Variants in MYH7B observed in about 807,000 individuals in gnomAD.
The protein encoded by MYH7B is myosin-7B.
MYH7B carries 205 observed loss-of-function variants against 234.5 expected under a neutral mutation model. The observed-to-expected ratio is 0.87, with a 90% confidence interval of 0.78 to 0.98. The LOEUF (loss-of-function observed/expected upper bound fraction) is 0.98, where lower values mean the gene tolerates loss of function less well. MYH7B is among the 50% of genes least tolerant of loss of function. The pLI, the probability that MYH7B is intolerant of heterozygous loss-of-function variation, is 0.00. For synonymous variants in MYH7B, 1,193 were observed against 1,105.0 expected (o/e 1.08, Z -1.58); for missense variants, 2,652 against 2,633.4 (o/e 1.01, Z -0.15).
chr20:34,962,022 G>A (rs2081702649), intron 2 of MYH7B, among the ~76,000 whole-genome samples: 1 of 152,078 alleles, frequency 6.6e-6, no homozygotes, highest in South Asian at 2.1e-4. Context: ...CACTTGAGCT[G>A]AGGAATTCAA....
At chr20:34,991,942 A>C (rs762704697) in intron 24 of MYH7B, among the ~76,000 whole-genome samples, 1 of 152,164 alleles carries the variant, frequency 6.6e-6, no homozygotes, top group East Asian at 1.9e-4. Context: ...AACATCTCAC[A>C]GTCTGGTGGA....
chr20:34,998,563 C>T, exon 34 of MYH7B: 1 of 1,613,686 alleles, frequency 6.2e-7, no homozygotes, highest in Non-Finnish European at 8.5e-7. Flanking sequence ...GTCAGCTGAG[C>T]CGTGGAAAGG....
At position 34,981,024 on chromosome 20, in the gene MYH7B, TTCCTC is replaced by T; in HGVS notation, c.500-8_500-4del. 6.2e-7 allele frequency: 1 copy of T among 1,613,958 alleles called. No homozygotes were observed. Among genetic ancestry groups the T allele is most frequent in the Non-Finnish European group, 8.5e-7 (1 of 1,179,926 alleles). ...GGCTGACTTCTCTATCCCCTTCCCT[TTCCTC>T]CAGACCGAGACAACCAGTCCATGCT... is the stretch of plus-strand genomic sequence containing the variant. On this transcript the variant is annotated splice_polypyrimidine_tract_variant and splice_region_variant and intron_variant, in intron 8 of 44. Coordinates refer to ENST00000262873, the Ensembl canonical transcript of MYH7B.
rs756637479 is a variant in MYH7B at position 34,997,642 on chromosome 20, T to C, written c.3747+2T>C. ...GTGGAGACTCTGACCCGCGCCAAGG[T>C]GTCCGTGCCTTCCTCACCCCATACC... On this transcript the variant is annotated splice_donor_variant, in intron 32 of 44. Transcript: ENST00000262873. LOFTEE classifies it high-confidence loss of function. 1.9e-6 allele frequency: 3 copies of C among 1,612,872 alleles called. No individual in the cohort carries two copies. In the East Asian group the frequency reaches 6.7e-5, roughly 36 times the overall value.
chr20:34,968,869 C>T (rs2081767323), intron 2 of MYH7B, among the ~76,000 whole-genome samples: 1 of 152,198 alleles, frequency 6.6e-6, no homozygotes, highest in African/African-American at 2.4e-5. Flanking sequence ...GGCAGGGAGG[C>T]CAGCACACAA....
chr20:34,987,722 C>A, intron 17 of MYH7B, 43 bp from the exon 18 acceptor site: 1 of 1,613,016 alleles, frequency 6.2e-7, no homozygotes, highest in Non-Finnish European at 8.5e-7. Context: ...CGGGCAGGGT[C>A]CCCTCCTTGC....
chr20:35,002,425 T>TTAA (rs1258449201), exon 45 of MYH7B: 3 of 415,282 alleles, frequency 7.2e-6, no homozygotes, highest in Admixed American at 8.3e-5. Context: ...ATAAAGTTAT[T>TTAA]TAATAGTCTC....
In MYH7B at chr20:34,981,044, C is replaced by T. The variant is rs763409138; in HGVS notation, c.511C>T (p.Gln171Ter). The T allele has an allele frequency of 1.3e-5, 21 of 1,613,996 alleles. No homozygotes were observed. The highest frequency in any genetic ancestry group is 1.3e-5 in the African/African-American group (1 of 74,920). The change falls in exon 9 of 45, where the codon CAG becomes TAG. Residue 171 changes from glutamine (Q) to a stop codon, truncating the protein, a stop_gained. Transcript: ENST00000262873. LOFTEE classifies it high-confidence loss of function. The stretch of plus-strand genomic sequence containing the variant: ...TCCCTTTCCTCCAGACCGAGACAAC[C>T]AGTCCATGCTGATCACGTGAGTGTG...
chr20:34,999,928 C>T (rs2082338820), intron 38 of MYH7B, 22 bp downstream of exon 38: 1 of 1,596,066 alleles, frequency 6.3e-7, no homozygotes, highest in African/African-American at 1.3e-5. Context: ...CTTCTCCCGT[C>T]CCCACCTCCC....
chr20:34,987,649 G>A lies in MYH7B; in HGVS notation c.1240G>A (p.Val414Met), dbSNP rs371353626. 30 of 1,613,584 alleles carry A rather than the reference G, an allele frequency of 1.9e-5. No homozygotes were observed. The Admixed American group carries it at 2.7e-4, about 14-fold the overall frequency. ...CCGGGTGCGTGTAGGGAACGAGTAC[G>A]TGACCAAGGGCCAGAGTGTGGAGCA... The change falls in exon 17 of 45, where the codon GTG (valine) becomes ATG (methionine). Residue 414 changes from valine (V) to methionine (M), a missense_variant. By Grantham distance (21) the Val-to-Met change is conservative. Around this residue, in one of 3 missense-constraint regions of MYH7B, gnomAD observed 2,279 missense variants for 2,211.4 expected, o/e 1.03. Transcript: ENST00000262873.
intron 9 of MYH7B, chr20:34,981,854 G>GAAAAAAA (rs55752676): frequency 1.5e-5 from 1 of 65,958 alleles, no homozygotes; most frequent in African/African-American, 6.4e-5. Flanking sequence ...TCCATCTCAC[G>GAAAAAAA]AAAAAAAAAA....
chr20:34,960,161 G>A (rs1177102091), intron 2 of MYH7B, among the ~76,000 whole-genome samples: 3 of 152,176 alleles, frequency 2.0e-5, no homozygotes, highest in Non-Finnish European at 2.9e-5. Flanking sequence ...ACTGTGAATG[G>A]AGGCCAATCC....
intron 5 of MYH7B, 73 bp from the exon 6 acceptor site, chr20:34,979,317 G>C: frequency 8.3e-7 from 1 of 1,211,742 alleles, no homozygotes; most frequent in Non-Finnish European, 1.2e-6. Flanking sequence ...GGATACCATG[G>C]CTTGGGAACT....
chr20:34,967,319 A>G (rs2081751901), intron 2 of MYH7B, among the ~76,000 whole-genome samples: 2 of 152,162 alleles, frequency 1.3e-5, no homozygotes, highest in Admixed American at 1.3e-4. Context: ...TGGAAAAAAA[A>G]TCTGAAGGCT....
At chr20:34,978,265 A>G (rs188720255) in intron 5 of MYH7B, among the ~76,000 whole-genome samples, 169 bp downstream of exon 5, 33 of 152,234 alleles carry the variant, frequency 2.2e-4, no homozygotes, top group Non-Finnish European at 3.1e-4. Context: ...TTAAAACCCC[A>G]GGGACACTGT....
At chr20:34,968,841 C>A (rs1225315935) in intron 2 of MYH7B, among the ~76,000 whole-genome samples, 1 of 151,388 alleles carries the variant, frequency 6.6e-6, no homozygotes, top group Non-Finnish European at 1.5e-5. Flanking sequence ...CCGCAGGACA[C>A]CCTTAATGCC....
exon 32 of MYH7B, chr20:34,997,447 TGGA>T: frequency 6.8e-7 from 1 of 1,480,666 alleles, no homozygotes; most frequent in East Asian, 2.7e-5. Flanking sequence ...CGGCGGGAGC[TGGA>T]GGAGGCGGCG....
rs368088742 is a variant in MYH7B at position 34,963,013 on chromosome 20, G to A, written c.-222+4801G>A. ...TTCAGGGAGGCTGAGGCAGAGAATC[G>A]CTTGAACCCCAGAGGCAGAGGTTAC... On this transcript the variant is annotated intron_variant, in intron 2 of 44. Coordinates refer to ENST00000262873, the Ensembl canonical transcript of MYH7B. Among the ~76,000 whole-genome samples the A allele has an allele frequency of 2.2e-3, 338 of 152,330 alleles. 4 individuals are homozygous for A. Among genetic ancestry groups the A allele is most frequent in the African/African-American group, 7.5e-3 (313 of 41,584 alleles).
chr20:34,997,565 G>A (rs923059149), exon 32 of MYH7B: 1 of 1,612,966 alleles, frequency 6.2e-7, no homozygotes, highest in Non-Finnish European at 8.5e-7. Flanking sequence ...GGCAGAAGCT[G>A]GAGAAGGAGA....
Sources: gnomAD v4.1 joint callset for allele counts (sites outside exome capture counted in the v4.1 genomes callset) on GRCh38, gnomAD v4.1.1 for gene constraint, gnomAD v4.1.1 regional missense constraint, MANE v1.5 for transcripts, NCBI Gene and HGNC (gene_info 2026-07-23, HGNC 2026-07-21) for gene names.